Variants in SNTG1 observed in about 807,000 individuals in gnomAD.
SNTG1 encodes the protein syntrophin gamma 1, also known as gamma-1-syntrophin.
SNTG1 carries 39 observed loss-of-function variants against 74.7 expected under a neutral mutation model. The observed-to-expected ratio is 0.52, with a 90% confidence interval of 0.40 to 0.68. SNTG1 has a LOEUF of 0.68. SNTG1 is among the 30% of genes least tolerant of loss of function. The probability of loss-of-function intolerance (pLI) is 0.00; values close to 1 mark genes in which losing one functional copy is unlikely to be tolerated. For synonymous variants in SNTG1, 254 were observed against 217.1 expected (o/e 1.17, Z -1.49); for missense variants, 685 against 609.5 (o/e 1.12, Z -1.30).
chr8:49,943,805 T>C, intron 1 of SNTG1, among the ~76,000 whole-genome samples: 1 of 152,368 alleles, frequency 6.6e-6, no homozygotes, highest in East Asian at 1.9e-4. Flanking sequence ...TGTATTGTAT[T>C]TGCATTTTAT....
chr8:50,011,627 A>T (rs967750521), intron 1 of SNTG1: 3 of 26,690 alleles, frequency 1.1e-4, no homozygotes, highest in Non-Finnish European at 6.0e-4. Flanking sequence ...GGTGAAATTA[A>T]AAAAAAAAAA....
intron 1 of SNTG1, among the ~76,000 whole-genome samples, chr8:50,111,385 C>G (rs2080581868): frequency 6.6e-6 from 1 of 151,352 alleles, no homozygotes; most frequent in Non-Finnish European, 1.5e-5. Flanking sequence ...CGAAGAGGCA[C>G]CAGAAAGTAT....
At chr8:50,174,627 CT>C (rs2082927893) in intron 2 of SNTG1, among the ~76,000 whole-genome samples, 1 of 152,054 alleles carries the variant, frequency 6.6e-6, no homozygotes, top group African/African-American at 2.4e-5. Context: ...ATTGCTAGAC[CT>C]TTTTTCATAG....
intron 4 of SNTG1, among the ~76,000 whole-genome samples, chr8:50,427,205 C>G (rs2093174275): frequency 6.6e-6 from 1 of 152,018 alleles, no homozygotes; most frequent in Non-Finnish European, 1.5e-5. Context: ...TAATTCACCC[C>G]TAAATTACCA....
intron 2 of SNTG1, among the ~76,000 whole-genome samples, chr8:50,340,379 T>C (rs983798806): frequency 1.3e-5 from 2 of 151,910 alleles, no homozygotes; most frequent in Non-Finnish European, 2.9e-5. Context: ...AATAGACAAA[T>C]TGATCAAGAT....
rs192630108 is a variant in SNTG1, at chr8:50,073,957, C to T, written c.-102-98604C>T. 4.0e-5 allele frequency among the ~76,000 whole-genome samples: 6 copies of T among 149,808 alleles called. No individual in the cohort carries two copies. The East Asian group carries it at 1.2e-3, about 29-fold the overall frequency. On this transcript the variant is annotated intron_variant, in intron 1 of 18. Transcript: ENST00000642720. ...AGCACAAGCATACTAGATTTCGCAT[C>T]CTTCTTAAGGGCCCTAGGATTTTCA...
At chr8:50,066,876 T>C (rs1820941102) in intron 1 of SNTG1, among the ~76,000 whole-genome samples, 1 of 151,950 alleles carries the variant, frequency 6.6e-6, no homozygotes, top group African/African-American at 2.4e-5. Flanking sequence ...TATTGAAAAA[T>C]CCTCAAATGG....
At chr8:50,079,801 A>C (rs1429640411) in intron 1 of SNTG1, among the ~76,000 whole-genome samples, 1 of 152,190 alleles carries the variant, frequency 6.6e-6, no homozygotes, top group Non-Finnish European at 1.5e-5. Context: ...TTTTCCCAGC[A>C]TGATTTATTA....
At chr8:50,751,936 T>A in intron 17 of SNTG1, 65 bp from the exon 18 acceptor site, 1 of 933,076 alleles carries the variant, frequency 1.1e-6, no homozygotes. Context: ...AAAAAAGAAC[T>A]ATTTCTTGAT....
intron 13 of SNTG1, among the ~76,000 whole-genome samples, chr8:50,609,027 A>G (rs2094832070): frequency 6.6e-6 from 1 of 152,022 alleles, no homozygotes; most frequent in Non-Finnish European, 1.5e-5. Context: ...TATTACATGC[A>G]TGTATAAACT....
chr8:50,435,546 AAAC>A (rs1284649197), intron 4 of SNTG1, among the ~76,000 whole-genome samples: 1 of 152,198 alleles, frequency 6.6e-6, no homozygotes, highest in Non-Finnish European at 1.5e-5. Flanking sequence ...CCGCAAACAC[AAAC>A]AACTGGGAAT....
chr8:49,955,764 G>A (rs1199846933), intron 1 of SNTG1, among the ~76,000 whole-genome samples: 2 of 152,146 alleles, frequency 1.3e-5, no homozygotes, highest in Non-Finnish European at 2.9e-5. Flanking sequence ...GGTGGCCCAC[G>A]CTGCAAAACT....
intron 1 of SNTG1, among the ~76,000 whole-genome samples, chr8:50,077,408 C>A (rs1821989547): frequency 6.6e-6 from 1 of 152,056 alleles, no homozygotes; most frequent in Admixed American, 6.5e-5. Flanking sequence ...TTCTTCAGAG[C>A]AATAATTTTT....
intron 1 of SNTG1, among the ~76,000 whole-genome samples, chr8:49,924,616 T>C (rs1461846028): frequency 1.3e-5 from 2 of 152,144 alleles, no homozygotes; most frequent in African/African-American, 4.8e-5. Context: ...TGTCTGCAAT[T>C]TGTTTCAAGT....
At chr8:50,244,024 C>T (rs1415992057) in intron 2 of SNTG1, among the ~76,000 whole-genome samples, 1 of 152,080 alleles carries the variant, frequency 6.6e-6, no homozygotes, top group Non-Finnish European at 1.5e-5. Flanking sequence ...TTAATTGGCT[C>T]CTGGTTCTTC....
chr8:50,386,977 G>A (rs2092585120), intron 2 of SNTG1, among the ~76,000 whole-genome samples: 2 of 152,082 alleles, frequency 1.3e-5, no homozygotes, highest in African/African-American at 4.8e-5. Flanking sequence ...ACTCTATTCT[G>A]GTGATTCATA....
intron 1 of SNTG1, among the ~76,000 whole-genome samples, chr8:50,154,902 C>G (rs2082203931): frequency 6.6e-6 from 1 of 152,142 alleles, no homozygotes; most frequent in African/African-American, 2.4e-5. Context: ...GCCTATAGTT[C>G]AGTTCATGGC....
intron 2 of SNTG1, among the ~76,000 whole-genome samples, chr8:50,177,482 A>T (rs142651486): frequency 2.0e-5 from 3 of 152,222 alleles, no homozygotes; most frequent in Non-Finnish European, 4.4e-5. Context: ...AACCTCAACT[A>T]TTCCCACGGA....
chr8:50,788,661 A>T lies in SNTG1; in HGVS notation c.1396-4010A>T, dbSNP rs140012453. Among the ~76,000 whole-genome samples the T allele has an allele frequency of 3.7e-3, 563 of 152,102 alleles. 4 individuals carry two copies. The highest frequency in any genetic ancestry group is 0.013 in the African/African-American group (521 of 41,514). On this transcript the variant is annotated intron_variant, in intron 18 of 18. Transcript: ENST00000642720. ...GCAGAATGAGGAAGATAAATTCCAG[A>T]TTTTATGCCTAAAATGATATCTATA...
Sources: allele counts gnomAD v4.1 joint callset (sites outside exome capture counted in the v4.1 genomes callset), GRCh38; gene constraint gnomAD v4.1.1; transcripts MANE v1.5; gene names NCBI Gene and HGNC (gene_info 2026-07-23, HGNC 2026-07-21).